PRKD1: variants seen among roughly 807,000 people sequenced by gnomAD.
PRKD1 encodes the protein serine/threonine-protein kinase D1.
Under a neutral mutation model 95.9 loss-of-function variants are expected in PRKD1, and 63 were observed. The observed-to-expected ratio is 0.66, with a 90% CI of 0.54 to 0.81. The LOEUF is 0.81. Among genes scored for constraint, PRKD1 ranks in the 30% least tolerant of loss-of-function variants. The pLI, the probability that PRKD1 is intolerant of heterozygous loss-of-function variation, is 0.00. For synonymous variants in PRKD1, 425 were observed against 423.1 expected (o/e 1.00, Z -0.05); for missense variants, 1,048 against 1,165.3 (o/e 0.90, Z 1.47).
intron 13 of PRKD1, among the ~76,000 whole-genome samples, chr14:29,610,446 T>C (rs1202950659): frequency 6.6e-6 from 1 of 152,026 alleles, no homozygotes; most frequent in Non-Finnish European, 1.5e-5. Flanking sequence ...ATCAGGGAAA[T>C]GCAAAATAAA....
chr14:29,770,875 G>GGAGCCAT (rs1259182929), intron 1 of PRKD1, among the ~76,000 whole-genome samples: 4 of 142,164 alleles, frequency 2.8e-5, no homozygotes, highest in Non-Finnish European at 6.0e-5. Context: ...CTTGAGCCCA[G>GGAGCCAT]GAGCCATGAT....
chr14:29,731,878 T>A (rs906255845), intron 1 of PRKD1, among the ~76,000 whole-genome samples: 3 of 151,612 alleles, frequency 2.0e-5, no homozygotes, highest in Admixed American at 6.6e-5. Context: ...TTTTTTTTTT[T>A]TTTTTTTTTT....
intron 1 of PRKD1, among the ~76,000 whole-genome samples, chr14:29,795,186 C>G (rs1171028727): frequency 1.3e-5 from 2 of 151,922 alleles, no homozygotes; most frequent in Admixed American, 1.3e-4. Flanking sequence ...AATAGTTCAT[C>G]AAACTATTAT....
chr14:29,664,312 T>A (rs1882358698), intron 3 of PRKD1, among the ~76,000 whole-genome samples: 1 of 152,198 alleles, frequency 6.6e-6, no homozygotes, highest in Admixed American at 6.5e-5. Context: ...CACCTCAGTT[T>A]TCTCGTCTCT....
At chr14:29,599,228 TTTC>T (rs1594350538) in intron 14 of PRKD1, 103 bp from the exon 15 acceptor site, 1 of 931,532 alleles carries the variant, frequency 1.1e-6, no homozygotes, top group Non-Finnish European at 1.7e-6. Context: ...GACATTCAAA[TTTC>T]TTTATGTTAA....
intron 1 of PRKD1, among the ~76,000 whole-genome samples, chr14:29,920,482 C>T (rs1895062133): frequency 6.6e-6 from 1 of 151,972 alleles, no homozygotes; most frequent in South Asian, 2.1e-4. Flanking sequence ...ACCTATAAGA[C>T]TGCATTCTAC....
chr14:29,909,790 G>A lies in PRKD1; in HGVS notation c.264+17459C>T, dbSNP rs557827867. Reference sequence around the variant, plus strand: ...GGGACTTGGAGAATCTTTACGTCTAGCTAAAGGATTGTAAACACACCAATC... The same window carrying A: ...GGGACTTGGAGAATCTTTACGTCTAACTAAAGGATTGTAAACACACCAATC... On this transcript the variant is annotated intron_variant, in intron 1 of 17. Coordinates refer to ENST00000331968, the MANE Select transcript of PRKD1 (RefSeq NM_002742.3). Among the ~76,000 whole-genome samples, 31 of 152,258 alleles carry A rather than the reference G, an allele frequency of 2.0e-4. No individual in the cohort carries two copies. The South Asian group carries it at 6.4e-3, about 32-fold the overall frequency.
chr14:29,701,006 A>ACACACACACACACACACC lies in PRKD1; in HGVS notation c.403+24529_403+24530insGGTGTGTGTGTGTGTGTG, dbSNP rs1555337080. Among the ~76,000 whole-genome samples the ACACACACACACACACACC allele has an allele frequency of 9.5e-3, 479 of 50,658 alleles. 2 individuals carry two copies. The highest frequency in any genetic ancestry group is 0.05 in the African/African-American group (467 of 9,346). 33.2% of individuals were successfully genotyped at this position (50,658 alleles called of 152,430 possible). A position where few individuals can be genotyped will look rare whatever the true frequency, so the allele number is the denominator to read the frequency against. ...CGCGCGCGCACACACACACACACACACCCTGTTGTGTGTGGGAACTCTGGG... is the reference window on the plus strand; with the variant it reads ...CGCGCGCGCACACACACACACACACACACACACACACACACACCCCCTGTTGTGTGTGGGAACTCTGGG... On this transcript the variant is annotated intron_variant, in intron 2 of 17. Transcript: ENST00000331968.
chr14:29,865,112 G>A (rs1002323355), intron 1 of PRKD1, among the ~76,000 whole-genome samples: 1 of 152,114 alleles, frequency 6.6e-6, no homozygotes, highest in African/African-American at 2.4e-5. Context: ...AATTGGTCAG[G>A]AAAAACTTAC....
chr14:29,642,383 T>C (rs1424610259), intron 4 of PRKD1, among the ~76,000 whole-genome samples: 2 of 152,212 alleles, frequency 1.3e-5, no homozygotes, highest in Non-Finnish European at 2.9e-5. Context: ...AATTACAGTA[T>C]GTTTTTGTTT....
chr14:29,873,249 C>A (rs1893175018), intron 1 of PRKD1, among the ~76,000 whole-genome samples: 1 of 152,080 alleles, frequency 6.6e-6, no homozygotes, highest in Non-Finnish European at 1.5e-5. Context: ...ACACACCTGG[C>A]TAAGTTTTTG....
intron 4 of PRKD1, among the ~76,000 whole-genome samples, chr14:29,653,240 A>C (rs749237448): frequency 1.2e-4 from 19 of 152,214 alleles, no homozygotes; most frequent in Non-Finnish European, 2.9e-5. Context: ...AAATGGTCAA[A>C]TGCAGAGAAA....
intron 1 of PRKD1, among the ~76,000 whole-genome samples, chr14:29,879,341 G>C (rs948279622): frequency 6.6e-6 from 1 of 152,224 alleles, no homozygotes; most frequent in Non-Finnish European, 1.5e-5. Context: ...TGCTATTCTT[G>C]TGATAGTGAA....
At chr14:29,630,650 T>C in intron 10 of PRKD1, 92 bp downstream of exon 10, 7 of 1,510,510 alleles carry the variant, frequency 4.6e-6, no homozygotes, top group Non-Finnish European at 5.4e-6. Context: ...TCTTTCTTCA[T>C]TCTGTTCTTA....
rs796922918 is a variant in PRKD1, at chr14:29,816,816, T to TA, written c.265-91143dup. On this transcript the variant is annotated intron_variant, in intron 1 of 17. Coordinates refer to ENST00000331968, the MANE Select transcript of PRKD1 (RefSeq NM_002742.3). ...CTATTTTATGTGACCCTATGATTAG[T>TA]AAAAAATGGTTCCCACATATTGAAA... is the stretch of plus-strand genomic sequence containing the variant. Among the ~76,000 whole-genome samples the TA allele has an allele frequency of 4.5e-4, 68 of 152,276 alleles. 2 individuals carry two copies. Among genetic ancestry groups the TA allele is most frequent in the African/African-American group, 1.5e-3 (63 of 41,560 alleles).
rs555390521 is a variant in PRKD1, at chr14:29,774,920, A to G, written c.265-49246T>C. On this transcript the variant is annotated intron_variant, in intron 1 of 17. Transcript: ENST00000331968. ...TGAAGATGTCTGTGAAGGACAAATC[A>G]GGGGAGAGGTTGGAAAACCAGACTA... Among the ~76,000 whole-genome samples the G allele has an allele frequency of 1.5e-3, 224 of 152,318 alleles. 1 individual carries two copies. Among genetic ancestry groups the G allele is most frequent in the Middle Eastern group, 6.8e-3 (2 of 294 alleles).
intron 1 of PRKD1, among the ~76,000 whole-genome samples, chr14:29,877,666 T>C (rs1037418447): frequency 2.0e-5 from 3 of 152,178 alleles, no homozygotes; most frequent in African/African-American, 7.2e-5. Flanking sequence ...TTTTTGTATA[T>C]AGTATAAGAA....
intron 2 of PRKD1, among the ~76,000 whole-genome samples, chr14:29,708,974 T>A (rs1005424595): frequency 1.3e-5 from 2 of 152,196 alleles, no homozygotes; most frequent in Admixed American, 1.3e-4. Flanking sequence ...TGTACTTTAT[T>A]AACTTTTACT....
Position 29,599,058 on chromosome 14 carries a change from A to T in PRKD1, c.2135T>A (p.Val712Glu). 1 of 1,613,818 alleles carries T rather than the reference A, an allele frequency of 6.2e-7. No homozygotes were observed. Among genetic ancestry groups the T allele is most frequent in the East Asian group, 2.2e-5 (1 of 44,856 alleles). Residue 712 changes from valine to glutamate, a missense_variant, in exon 15 of 18, where the codon GTG becomes GAG. By Grantham distance (121) the Val-to-Glu change is moderately radical (BLOSUM62 -2). Coordinates refer to ENST00000331968, the MANE Select transcript of PRKD1 (RefSeq NM_002742.3). ...IVHCDLKPEN[V>E]LLASADPFPQ... ...AAAAGGATCAGCTGAGGCTAGCAAC[A>T]CATTTTCTGGTTTGAGGTCACAGTG...
Sources: gnomAD v4.1 joint callset for allele counts (sites outside exome capture counted in the v4.1 genomes callset) on GRCh38, gnomAD v4.1.1 for gene constraint, MANE v1.5 for transcripts, NCBI Gene and HGNC (gene_info 2026-07-23, HGNC 2026-07-21) for gene names.